ROR1: variants seen among roughly 807,000 people sequenced by gnomAD.
ROR1 encodes inactive tyrosine-protein kinase transmembrane receptor ROR1.
In ROR1, 19 loss-of-function variants were observed where a neutral mutation model predicts 78.8. The ratio of observed to expected loss-of-function variants is 0.24; its 90% CI spans 0.17 to 0.35. ROR1 has a LOEUF of 0.35. Ranked by LOEUF, ROR1 falls within the 10% of genes least tolerant of loss-of-function variation. ROR1 has a pLI of 1.00. For synonymous variants in ROR1, 386 were observed against 433.6 expected (o/e 0.89, Z 1.36); for missense variants, 917 against 1,177.8 (o/e 0.78, Z 3.24).
intron 1 of ROR1, among the ~76,000 whole-genome samples, chr1:63,928,479 C>G (rs543143825): frequency 6.6e-6 from 1 of 152,184 alleles, no homozygotes; most frequent in Non-Finnish European, 1.5e-5. Flanking sequence ...AGACGCAAGA[C>G]GCTAATATGG....
chr1:63,789,114 T>G (rs773852371), intron 1 of ROR1: 7 of 612,756 alleles, frequency 1.1e-5, no homozygotes, highest in Non-Finnish European at 2.2e-5. Flanking sequence ...GGTGTTTTCC[T>G]GGCATCGAGC....
intron 1 of ROR1, among the ~76,000 whole-genome samples, chr1:63,940,345 C>CT (rs1299036983): frequency 6.6e-6 from 1 of 152,078 alleles, no homozygotes; most frequent in African/African-American, 2.4e-5. Context: ...GCTTGAAGGT[C>CT]TTCTGCTGGC....
intron 1 of ROR1, among the ~76,000 whole-genome samples, chr1:64,002,872 A>G (rs1274746264): frequency 6.6e-6 from 1 of 152,168 alleles, no homozygotes; most frequent in East Asian, 1.9e-4. Context: ...TTAGAGTTCC[A>G]CAGGGGACCT....
At chr1:64,088,632 A>G (rs1647172221) in intron 4 of ROR1, among the ~76,000 whole-genome samples, 1 of 152,102 alleles carries the variant, frequency 6.6e-6, no homozygotes, top group African/African-American at 2.4e-5. Flanking sequence ...ATATCCTTTT[A>G]TTGCTTAAAC....
intron 7 of ROR1, among the ~76,000 whole-genome samples, chr1:64,148,201 A>G (rs1361252394): frequency 1.3e-5 from 2 of 152,200 alleles, no homozygotes; most frequent in African/African-American, 2.4e-5. Flanking sequence ...TATTATACCC[A>G]AGAAAGAAAA....
At chr1:64,018,355 C>T (rs1230431488) in intron 2 of ROR1, among the ~76,000 whole-genome samples, 2 of 152,170 alleles carry the variant, frequency 1.3e-5, no homozygotes, top group African/African-American at 4.8e-5. Context: ...TTTCAAGCAT[C>T]TGTGCAAACC....
chr1:64,031,658 A>G (rs1333581947), intron 2 of ROR1, among the ~76,000 whole-genome samples: 1 of 152,218 alleles, frequency 6.6e-6, no homozygotes, highest in African/African-American at 2.4e-5. Context: ...GGCATCTTAT[A>G]TTTGACTATA....
chr1:63,799,928 G>T (rs867330181), intron 1 of ROR1, among the ~76,000 whole-genome samples: 2 of 152,172 alleles, frequency 1.3e-5, no homozygotes, highest in South Asian at 2.1e-4. Flanking sequence ...GATCTGTATG[G>T]ATCATTTAGA....
intron 2 of ROR1, among the ~76,000 whole-genome samples, chr1:64,023,171 T>TA (rs1173703267): frequency 6.6e-6 from 1 of 152,188 alleles, no homozygotes; most frequent in Non-Finnish European, 1.5e-5. Flanking sequence ...GACCTTGAGA[T>TA]ACTGCCCTTG....
At chr1:63,836,087 T>A (rs540949166) in intron 1 of ROR1, among the ~76,000 whole-genome samples, 41 of 152,356 alleles carry the variant, frequency 2.7e-4, no homozygotes, top group South Asian at 6.2e-4. Context: ...TTGCTTTTTG[T>A]AAACTATTGC....
chr1:63,994,119 A>G (rs1363396769), intron 1 of ROR1, among the ~76,000 whole-genome samples: 1 of 152,058 alleles, frequency 6.6e-6, no homozygotes, highest in Non-Finnish European at 1.5e-5. Flanking sequence ...ATCATGTTTG[A>G]TATGTTTAAA....
At chr1:63,854,908 C>G (rs1210919918) in intron 1 of ROR1, among the ~76,000 whole-genome samples, 1 of 152,226 alleles carries the variant, frequency 6.6e-6, no homozygotes, top group East Asian at 1.9e-4. Flanking sequence ...TAAATTATCT[C>G]TAGGTTACTT....
intron 1 of ROR1, among the ~76,000 whole-genome samples, chr1:63,978,751 T>A (rs1204133910): frequency 2.0e-5 from 3 of 152,208 alleles, no homozygotes; most frequent in Admixed American, 2.0e-4. Flanking sequence ...GGAGACAATC[T>A]GAACACACAT....
chr1:63,974,344 T>G (rs1646140900), intron 1 of ROR1, among the ~76,000 whole-genome samples: 1 of 152,088 alleles, frequency 6.6e-6, no homozygotes, highest in African/African-American at 2.4e-5. Flanking sequence ...GAAAAGCATA[T>G]GAGAAAAAAA....
chr1:64,085,141 GAGAA>G (rs961711951), intron 4 of ROR1, among the ~76,000 whole-genome samples: 2 of 152,170 alleles, frequency 1.3e-5, no homozygotes, highest in African/African-American at 4.8e-5. Context: ...TTGAATTTGG[GAGAA>G]AGACTCACTT....
chr1:64,177,980 A>G lies in ROR1; in HGVS notation c.1939A>G (p.Arg647Gly), dbSNP rs1454286135. The change falls in exon 9 of 9, where the codon AGG (arginine) becomes GGG (glycine). Residue 647 changes from arginine to glycine, a missense_variant. Arg to Gly is a moderately radical substitution (Grantham distance 125, BLOSUM62 -2). Coordinates refer to ENST00000371079, the MANE Select transcript of ROR1 (RefSeq NM_005012.4). ...SREIYSADYY[R>G]VQSKSLLPIR... ...AGAAATTTACTCCGCTGATTACTAC[A>G]GGGTCCAGAGTAAGTCCTTGCTGCC... The G allele has an allele frequency of 1.9e-6, 3 of 1,614,112 alleles. No individual in the cohort carries two copies. The highest frequency in any genetic ancestry group is 1.3e-5 in the African/African-American group (1 of 74,928).
chr1:63,865,365 T>C (rs181521528), intron 1 of ROR1, among the ~76,000 whole-genome samples: 1 of 152,310 alleles, frequency 6.6e-6, no homozygotes, highest in Non-Finnish European at 1.5e-5. Context: ...GCATGTCCAG[T>C]GTCATTTTTG....
At chr1:63,871,615 A>G (rs1303580522) in intron 1 of ROR1, among the ~76,000 whole-genome samples, 1 of 152,210 alleles carries the variant, frequency 6.6e-6, no homozygotes, top group African/African-American at 2.4e-5. Context: ...TTGGTAGAAC[A>G]TTTGCTCCAG....
intron 4 of ROR1, among the ~76,000 whole-genome samples, chr1:64,058,582 A>AGAT (rs1242187279): frequency 3.2e-5 from 4 of 126,900 alleles, no homozygotes; most frequent in Non-Finnish European, 4.9e-5. Context: ...GTGTCCATTT[A>AGAT]GATGATCGTG....
Sources: gnomAD v4.1 joint callset for allele counts (sites outside exome capture counted in the v4.1 genomes callset) on GRCh38, gnomAD v4.1.1 for gene constraint, MANE v1.5 for transcripts, NCBI Gene and HGNC (gene_info 2026-07-23, HGNC 2026-07-21) for gene names.